VANGL1: variants seen among roughly 807,000 people sequenced by gnomAD.
VANGL1 encodes VANGL planar cell polarity protein 1.
Under a neutral mutation model 48.4 loss-of-function variants are expected in VANGL1, and 18 were observed. The observed-to-expected ratio is 0.37, with a 90% CI of 0.26 to 0.55. VANGL1 has a LOEUF of 0.55. Among genes scored for constraint, VANGL1 ranks in the 20% least tolerant of loss-of-function variants. VANGL1 has a pLI of 0.81. For synonymous variants in VANGL1, 257 were observed against 261.8 expected (o/e 0.98, Z 0.18); for missense variants, 667 against 675.8 (o/e 0.99, Z 0.14).
intron 4 of VANGL1, among the ~76,000 whole-genome samples, chr1:115,681,617 C>G (rs763995010): frequency 6.6e-5 from 10 of 150,662 alleles, no homozygotes; most frequent in Non-Finnish European, 7.4e-5. Flanking sequence ...AGTGATTCTC[C>G]CGTTTCAGCC....
intron 2 of VANGL1, among the ~76,000 whole-genome samples, chr1:115,653,894 C>G (rs1463815661): frequency 6.6e-6 from 1 of 152,120 alleles, no homozygotes; most frequent in East Asian, 1.9e-4. Context: ...AGGTGCACTC[C>G]ATGGGTTCTT....
chr1:115,658,258 G>T (rs563177284), intron 2 of VANGL1, among the ~76,000 whole-genome samples: 11 of 152,270 alleles, frequency 7.2e-5, no homozygotes, highest in African/African-American at 2.4e-4. Context: ...AGAAATCTAC[G>T]TTTTCTTAAG....
Position 115,682,397 on chromosome 1 carries a change from T to G in VANGL1, c.846T>G (p.Asn282Lys). Residue 282 changes from asparagine to lysine, a missense_variant, in exon 5 of 8, where the codon AAT becomes AAG. By Grantham distance (94) the Asn-to-Lys change is moderately conservative (BLOSUM62 0). Coordinates refer to ENST00000355485, the MANE Select transcript of VANGL1 (RefSeq NM_138959.3). ...IQRAALVVLENYYKDFTIYNP... is the reference protein window; with the variant it reads ...IQRAALVVLEKYYKDFTIYNP... ...GAGCAGCATTGGTGGTCCTAGAAAA[T>G]TACTACAAAGATTTCACCATCTATA... 2 of 1,614,172 alleles carry G rather than the reference T, an allele frequency of 1.2e-6. No homozygotes were observed. Among genetic ancestry groups the G allele is most frequent in the Non-Finnish European group, 1.7e-6 (2 of 1,180,032 alleles).
chr1:115,685,600 G>T, intron 7 of VANGL1, 73 bp downstream of exon 7: 1 of 1,439,320 alleles, frequency 6.9e-7, no homozygotes, highest in Admixed American at 1.9e-5. Flanking sequence ...GAATTATAGC[G>T]TGTTACTAGA....
intron 2 of VANGL1, among the ~76,000 whole-genome samples, chr1:115,657,927 A>C (rs942641761): frequency 1.3e-5 from 2 of 152,142 alleles, no homozygotes; most frequent in Non-Finnish European, 2.9e-5. Flanking sequence ...AGGAGGCGCC[A>C]CACACTTTTA....
chr1:115,645,468 A>G (rs1489942245), intron 1 of VANGL1, among the ~76,000 whole-genome samples: 1 of 152,160 alleles, frequency 6.6e-6, no homozygotes, highest in African/African-American at 2.4e-5. Flanking sequence ...CCACAGATCT[A>G]TAATATAAGT....
chr1:115,643,608 T>C (rs184592080), intron 1 of VANGL1, among the ~76,000 whole-genome samples: 1 of 152,198 alleles, frequency 6.6e-6, no homozygotes, highest in African/African-American at 2.4e-5. Flanking sequence ...ATGTTGGCAG[T>C]GAGGCTTGCT....
intron 2 of VANGL1, among the ~76,000 whole-genome samples, chr1:115,652,255 C>G (rs945718933): frequency 1.3e-5 from 2 of 152,192 alleles, no homozygotes; most frequent in African/African-American, 4.8e-5. Context: ...ATTGGTCAAA[C>G]TTCCCCTTCT....
intron 4 of VANGL1, among the ~76,000 whole-genome samples, chr1:115,670,032 A>G (rs1341154399): frequency 6.6e-6 from 1 of 152,156 alleles, no homozygotes; most frequent in African/African-American, 2.4e-5. Context: ...TTGAGGTTAA[A>G]TGTAGTCATA....
At chr1:115,671,525 G>A (rs1652973328) in intron 4 of VANGL1, among the ~76,000 whole-genome samples, 1 of 152,226 alleles carries the variant, frequency 6.6e-6, no homozygotes, top group African/African-American at 2.4e-5. Context: ...CCTGGGTGGA[G>A]TGGAGGTGTT....
intron 2 of VANGL1, among the ~76,000 whole-genome samples, chr1:115,651,757 A>T (rs2101306348): frequency 6.6e-6 from 1 of 150,554 alleles, no homozygotes; most frequent in South Asian, 2.1e-4. Flanking sequence ...ATTTCTAGGT[A>T]TTTCTTTTTT....
chr1:115,665,185 A>G (rs1037853149), intron 4 of VANGL1, among the ~76,000 whole-genome samples: 5 of 151,998 alleles, frequency 3.3e-5, no homozygotes, highest in South Asian at 2.1e-4. Context: ...CAGACTATGA[A>G]CTCCCTGAGG....
intron 4 of VANGL1, among the ~76,000 whole-genome samples, chr1:115,678,549 A>T (rs572229535): frequency 6.6e-6 from 1 of 152,252 alleles, no homozygotes; most frequent in Non-Finnish European, 1.5e-5. Flanking sequence ...GATGGAACCC[A>T]GTGTCTTCAC....
chr1:115,655,112 C>T (rs537072706), intron 2 of VANGL1, among the ~76,000 whole-genome samples: 25 of 152,284 alleles, frequency 1.6e-4, no homozygotes, highest in African/African-American at 5.3e-4. Flanking sequence ...GTGTGTCCTG[C>T]GCCCAGCGCT....
Position 115,663,655 on chromosome 1 carries a change from C to T in VANGL1, c.205-6C>T, listed in dbSNP as rs563111223. ...CATGTCATCCTCACTGTCTTCTCCC[C>T]ACCAGGATGACAACTGGGGAGAGAC... is the stretch of plus-strand genomic sequence containing the variant. On this transcript the variant is annotated splice_region_variant and splice_polypyrimidine_tract_variant and intron_variant, in intron 3 of 7. Coordinates refer to ENST00000355485, the MANE Select transcript of VANGL1 (RefSeq NM_138959.3). 1.2e-6 allele frequency: 2 copies of T among 1,614,126 alleles called. No homozygotes were observed. The highest frequency in any genetic ancestry group is 1.3e-5 in the African/African-American group (1 of 75,030).
chr1:115,687,705 CTGTGTG>C (rs56094677), intron 7 of VANGL1, among the ~76,000 whole-genome samples: 10,865 of 112,754 alleles, frequency 0.096, 1,927 homozygotes, highest in Middle Eastern at 0.15. Context: ...CTCTCTTTCT[CTGTGTG>C]TGTGTGTGTG....
At chr1:115,662,640 G>T (rs572512470) in intron 3 of VANGL1, among the ~76,000 whole-genome samples, 2 of 152,260 alleles carry the variant, frequency 1.3e-5, no homozygotes, top group South Asian at 4.2e-4. Flanking sequence ...TTAGTTCCTC[G>T]TGAAAACATG....
At position 115,687,987 on chromosome 1, in the gene VANGL1, T is replaced by TAGATAGAC. The variant is rs781284916; in HGVS notation, c.1314+2463_1314+2464insTAGACAGA. 1.8e-3 allele frequency among the ~76,000 whole-genome samples: 235 copies of TAGATAGAC among 129,356 alleles called. 45 individuals carry two copies. Among genetic ancestry groups the TAGATAGAC allele is most frequent in the South Asian group, 0.011 (40 of 3,654 alleles). The allele number at this position is 129,356 out of a possible 152,430, so 84.9% of individuals were successfully genotyped here. ...ATAGATAGATAGATAGATAGATAGATAGACACATAGATAGATACATAGATA... is the reference window on the plus strand; with the variant it reads ...ATAGATAGATAGATAGATAGATAGATAGATAGACAGACACATAGATAGATACATAGATA... On this transcript the variant is annotated intron_variant, in intron 7 of 7. Transcript: ENST00000355485.
intron 6 of VANGL1, 71 bp downstream of exon 6, chr1:115,684,147 T>C: frequency 3.7e-6 from 5 of 1,340,690 alleles, no homozygotes; most frequent in Non-Finnish European, 4.9e-6. Flanking sequence ...TTTATTTATT[T>C]ATTTATTTAG....
Sources: allele counts gnomAD v4.1 joint callset (sites outside exome capture counted in the v4.1 genomes callset), GRCh38; gene constraint gnomAD v4.1.1; transcripts MANE v1.5; gene names NCBI Gene and HGNC (gene_info 2026-07-23, HGNC 2026-07-21).